SLC35E4: variants seen among roughly 807,000 people sequenced by gnomAD.
SLC35E4 encodes the protein solute carrier family 35, member E4.
A neutral mutation model predicts 19.3 loss-of-function variants in SLC35E4; 15 were observed. The observed-to-expected ratio is 0.78, with a 90% CI of 0.52 to 1.20. The LOEUF (loss-of-function observed/expected upper bound fraction) is 1.20, where lower values mean the gene tolerates loss of function less well. Among genes scored for constraint, SLC35E4 ranks in the 50% most tolerant of loss-of-function variants. The pLI is 0.00. For missense variants in SLC35E4, 406 were observed against 472.3 expected, an observed-to-expected ratio of 0.86 and a Z score of 1.30; for synonymous variants, 219 against 219.9, an observed-to-expected ratio of 1.00 and a Z score of 0.04.
At chr22:30,645,820 T>A (rs1046705583) in intron 1 of SLC35E4, among the ~76,000 whole-genome samples, 1 of 59,748 alleles carries the variant, frequency 1.7e-5, no homozygotes, top group African/African-American at 8.1e-5. Context: ...ACCTGACCGA[T>A]TTTTTTTTTT....
Position 30,646,137 on chromosome 22 carries a change from T to G in SLC35E4, c.620-461T>G, listed in dbSNP as rs144826978. On this transcript the variant is annotated intron_variant, in intron 1 of 1. Transcript: ENST00000343605. ...TAATGTTTTTTGAGCCACTTAGTCT[T>G]CATGCTTATTGATCATTTAGATATC... Among the ~76,000 whole-genome samples the G allele has an allele frequency of 5.7e-4, 87 of 152,346 alleles. 1 individual carries two copies. In the East Asian group the frequency reaches 0.015, roughly 26 times the overall value.
downstream of SLC35E4, chr22:30,663,572 G>C: frequency 6.2e-7 from 1 of 1,614,266 alleles, no homozygotes; most frequent in East Asian, 2.2e-5. Context: ...AAAAGCCGCT[G>C]TTGGGTCGGA....
rs368715023 is a variant in SLC35E4, at chr22:30,636,704, T to C, written c.254T>C (p.Leu85Pro). 20 of 1,611,042 alleles carry C rather than the reference T, an allele frequency of 1.2e-5. No individual in the cohort carries two copies. The African/African-American group carries it at 2.4e-4, about 19-fold the overall frequency. ...GFGRPLLLSALHMLVAALACH... is the reference protein window; with the variant it reads ...GFGRPLLLSAPHMLVAALACH... ...GGGCGGCCCCTGCTGCTGTCGGCCC[T>C]GCACATGCTGGTGGCAGCCCTGGCA... Residue 85 changes from leucine (L) to proline (P), a missense_variant, in exon 1 of 2, where the codon CTG becomes CCG. Transcript: ENST00000343605.
chr22:30,646,968 C>T lies in SLC35E4; in HGVS notation c.990C>T (p.Phe330=), dbSNP rs117790300. The stretch of plus-strand genomic sequence containing the variant: ...TGTTCCTTTACCACAACTGCGAGTT[C>T]GTGGCCTCCTGGGCTGCCCGTCGGG... ...SGMFLYHNCE[F]VASWAARRGL... is the part of the protein sequence containing the mutation. Residue 330 remains phenylalanine, a synonymous_variant, in exon 2 of 2, where the codon TTC becomes TTT. Transcript: ENST00000343605. The T allele has an allele frequency of 2.0e-5, 33 of 1,613,886 alleles. No homozygotes were observed. In the East Asian group the frequency reaches 2.7e-4, roughly 13 times the overall value.
At chr22:30,657,315 C>T (rs1195078083) in intron 2 of SLC35E4, among the ~76,000 whole-genome samples, 1 of 143,800 alleles carries the variant, frequency 7.0e-6, no homozygotes, top group East Asian at 2.1e-4. Flanking sequence ...ACAAATTAGC[C>T]GGGCGTGGGG....
intron 1 of SLC35E4, among the ~76,000 whole-genome samples, chr22:30,638,233 G>T (rs776985647): frequency 5.9e-5 from 9 of 151,538 alleles, no homozygotes; most frequent in Non-Finnish European, 1.3e-4. Flanking sequence ...CGGGCGCGGT[G>T]TCTCATGCCT....
chr22:30,663,710 G>A, downstream of SLC35E4: 2 of 1,614,240 alleles, frequency 1.2e-6, no homozygotes, highest in Non-Finnish European at 1.7e-6. Context: ...GCAAAGTACG[G>A]CCCTGCTTCA....
intron 2 of SLC35E4, among the ~76,000 whole-genome samples, chr22:30,656,407 A>C (rs1195778513): frequency 2.6e-5 from 4 of 152,214 alleles, no homozygotes. Context: ...AGAAATCCTC[A>C]GGGCCAACAG....
downstream of SLC35E4, chr22:30,663,527 A>C (rs776598954): frequency 5.0e-6 from 8 of 1,614,106 alleles, no homozygotes; most frequent in East Asian, 1.8e-4. Flanking sequence ...TGTTCTTGCC[A>C]AACAATTGGA....
intron 2 of SLC35E4, among the ~76,000 whole-genome samples, chr22:30,656,763 T>C (rs1234698819): frequency 1.3e-5 from 2 of 152,136 alleles, no homozygotes; most frequent in Non-Finnish European, 2.9e-5. Context: ...CTCTCCCACT[T>C]AGGATATGAA....
intron 1 of SLC35E4, among the ~76,000 whole-genome samples, chr22:30,639,187 G>A (rs1246005556): frequency 1.3e-5 from 2 of 152,126 alleles, no homozygotes; most frequent in African/African-American, 2.4e-5. Context: ...GTGTCCGGGG[G>A]AGACATCATA....
chr22:30,639,632 C>G (rs999815918), intron 1 of SLC35E4, among the ~76,000 whole-genome samples: 5 of 152,328 alleles, frequency 3.3e-5, no homozygotes, highest in Admixed American at 3.3e-4. Context: ...TTCTCTTTCT[C>G]AAGGATGTCC....
chr22:30,659,195 T>A (rs968814394), intron 2 of SLC35E4, among the ~76,000 whole-genome samples: 1 of 148,874 alleles, frequency 6.7e-6, no homozygotes, highest in Admixed American at 6.7e-5. Flanking sequence ...AGGAGACAGA[T>A]GAGGATCGAA....
downstream of SLC35E4, chr22:30,663,517 T>A: frequency 6.2e-7 from 1 of 1,614,232 alleles, no homozygotes; most frequent in Non-Finnish European, 8.5e-7. Flanking sequence ...ATGTGCACAG[T>A]GTTCTTGCCA....
chr22:30,640,584 C>G (rs2145577357), intron 1 of SLC35E4, among the ~76,000 whole-genome samples: 1 of 152,208 alleles, frequency 6.6e-6, no homozygotes, highest in African/African-American at 2.4e-5. Context: ...TCCTGCCTTT[C>G]CTACTGAGGG....
At chr22:30,663,516 G>C (rs2088545106), downstream of SLC35E4, 6 of 1,614,232 alleles carry the variant, frequency 3.7e-6, no homozygotes, top group East Asian at 1.3e-4. Context: ...CATGTGCACA[G>C]TGTTCTTGCC....
At chr22:30,645,588 C>CT in intron 1 of SLC35E4, among the ~76,000 whole-genome samples, 1 of 112,462 alleles carries the variant, frequency 8.9e-6, no homozygotes, top group Non-Finnish European at 1.8e-5. Context: ...GAGCAAGACT[C>CT]TGTCTCCAAA....
chr22:30,641,936 G>A (rs1023283993), intron 1 of SLC35E4, among the ~76,000 whole-genome samples: 1 of 152,166 alleles, frequency 6.6e-6, no homozygotes, highest in Non-Finnish European at 1.5e-5. Context: ...AGTTTAGGGG[G>A]CTAGAGGCCC....
At chr22:30,639,224 G>A (rs1425454876) in intron 1 of SLC35E4, among the ~76,000 whole-genome samples, 1 of 152,134 alleles carries the variant, frequency 6.6e-6, no homozygotes, top group African/African-American at 2.4e-5. Flanking sequence ...GATGCCCCCT[G>A]AGCCATAAAA....
Sources: gnomAD v4.1 joint callset for allele counts (sites outside exome capture counted in the v4.1 genomes callset) on GRCh38, gnomAD v4.1.1 for gene constraint, MANE v1.5 for transcripts, NCBI Gene and HGNC (gene_info 2026-07-23, HGNC 2026-07-21) for gene names.